The following CYP26B1 variants were observed in gnomAD, a reference collection of about 807,000 sequenced individuals.
CYP26B1 encodes the protein cytochrome P450 family 26 subfamily B member 1, also known as cytochrome P450 26B1.
In CYP26B1, 8 loss-of-function variants were observed where a neutral mutation model predicts 39.1. The ratio of observed to expected loss-of-function variants is 0.20; its 90% confidence interval spans 0.12 to 0.37. The LOEUF is 0.37. CYP26B1 is among the 10% of genes least tolerant of loss of function. The pLI, the probability that CYP26B1 is intolerant of heterozygous loss-of-function variation, is 1.00. For synonymous variants in CYP26B1, 321 were observed against 314.3 expected, an observed-to-expected ratio of 1.02 and a Z score of -0.23; for missense variants, 615 against 707.0, an observed-to-expected ratio of 0.87 and a Z score of 1.48.
chr2:72,146,857 G>A (rs1190391065), intron 1 of CYP26B1, among the ~76,000 whole-genome samples: 3 of 152,136 alleles, frequency 2.0e-5, no homozygotes, highest in South Asian at 2.1e-4. Context: ...GGTCCCTGAC[G>A]CGCCTCACCC....
rs1399150188 is a variant in CYP26B1, at chr2:72,147,304, G to T, written c.204+327C>A. On this transcript the variant is annotated intron_variant, in intron 1 of 5. Transcript: ENST00000001146. This position sits in a 1 kb window ranked among gnomAD's most constrained non-coding sequence, Gnocchi z 6.1. ...GGCTCAGGACCGGACCCTCCCCCGGGACCGCGCCTCGCTAGGCGCCCCCGG... is the reference window on the plus strand; with the variant it reads ...GGCTCAGGACCGGACCCTCCCCCGGTACCGCGCCTCGCTAGGCGCCCCCGG... Among the ~76,000 whole-genome samples the T allele has an allele frequency of 6.6e-6, 1 of 152,138 alleles. No individual in the cohort carries two copies. The highest frequency in any genetic ancestry group is 1.5e-5 in the Non-Finnish European group (1 of 68,010).
rs547728649 is a variant in CYP26B1 at position 72,143,877 on chromosome 2, T to C, written c.429+112A>G. 1.4e-5 allele frequency: 18 copies of C among 1,285,294 alleles called. No individual in the cohort carries two copies. The African/African-American group carries it at 2.1e-4, about 15-fold the overall frequency. The allele number at this position is 1,285,294 out of a possible 1,614,324, so 79.6% of individuals were successfully genotyped here. Reference sequence around the variant, plus strand: ...CGGGGAACTGCGGAGTCTTCAAGCATGGTGTGCAAAGGGGGGCACAGATTC... The same window carrying C: ...CGGGGAACTGCGGAGTCTTCAAGCACGGTGTGCAAAGGGGGGCACAGATTC... On this transcript the variant is annotated intron_variant, in intron 2 of 5. Transcript: ENST00000001146.
chr2:72,131,341 C>G lies in CYP26B1; in HGVS notation c.*886G>C, dbSNP rs1277322536. ...CCTGGGGGCTGGGTTTGACCAGAGA[C>G]CCCTTCCTCTTCACTCACAGAAGTC... On this transcript the variant is annotated 3_prime_UTR_variant, in exon 6 of 6. Coordinates refer to ENST00000001146, the MANE Select transcript of CYP26B1 (RefSeq NM_019885.4). The G allele has an allele frequency of 2.0e-5, 3 of 152,242 alleles. No individual in the cohort carries two copies. The highest frequency in any genetic ancestry group is 7.2e-5 in the African/African-American group (3 of 41,458). The allele number at this position is 152,242 out of a possible 1,614,324, so 9.4% of individuals were successfully genotyped here.
rs776297916 is a variant in CYP26B1, at chr2:72,134,810, A to G, written c.812T>C (p.Ile271Thr). The G allele has an allele frequency of 6.2e-6, 10 of 1,614,088 alleles. No individual in the cohort carries two copies. The highest frequency in any genetic ancestry group is 1.6e-4 in the Middle Eastern group (1 of 6,062). The change falls in exon 4 of 6, where the codon ATT (isoleucine) becomes ACT (threonine). Residue 271 changes from isoleucine to threonine, a missense_variant. By Grantham distance (89) the Ile-to-Thr change is moderately conservative (BLOSUM62 -1). Transcript: ENST00000001146. Reference protein sequence around the residue: ...KDYLDALDLLIESSKEHGKEM... With the variant: ...KDYLDALDLLTESSKEHGKEM... ...CTTCCCGTGCTCCTTGCTGCTCTCA[A>G]TGAGGAGGTCCAGGGCGTCCAAGTA...
rs1676514023 is a variant in CYP26B1, at chr2:72,129,945, C to G, written c.*2282G>C. The G allele has an allele frequency of 6.6e-6, 1 of 152,204 alleles. No individual in the cohort carries two copies. Among genetic ancestry groups the G allele is most frequent in the Non-Finnish European group, 1.5e-5 (1 of 68,054 alleles). 9.4% of individuals were successfully genotyped at this position (152,204 alleles called of 1,614,324 possible). ...CCAGAGCTTTCTTCAGCTCTCTTCT[C>G]ACTGCCTTTGAGACCCAGCGGGGCA... On this transcript the variant is annotated 3_prime_UTR_variant, in exon 6 of 6. Transcript: ENST00000001146.
chr2:72,147,225 CCCCAG>C lies in CYP26B1; in HGVS notation c.204+401_204+405del, dbSNP rs1677145964. 6.6e-6 allele frequency among the ~76,000 whole-genome samples: 1 copy of C among 152,186 alleles called. No individual in the cohort carries two copies. The highest frequency in any genetic ancestry group is 1.5e-5 in the Non-Finnish European group (1 of 68,034). Reference sequence around the variant, plus strand: ...TTTCGGCTCCCAGCGACACAGCCAACCCCAGAAAGCCGAGGGCGACTGGGGGCTTG... The same window carrying C: ...TTTCGGCTCCCAGCGACACAGCCAACAAAGCCGAGGGCGACTGGGGGCTTG... On this transcript the variant is annotated intron_variant, in intron 1 of 5. Transcript: ENST00000001146. This position sits in a 1 kb window ranked among gnomAD's most constrained non-coding sequence, Gnocchi z 6.1.
Position 72,135,177 on chromosome 2 carries a change from C to T in CYP26B1, c.672G>A (p.Leu224=), listed in dbSNP as rs773801134. 3.7e-6 allele frequency: 6 copies of T among 1,613,904 alleles called. No homozygotes were observed. In the African/African-American group the frequency reaches 8.0e-5, roughly 22 times the overall value. The change falls in exon 3 of 6, where the codon CTG becomes CTA. Residue 224 remains leucine, a synonymous_variant. Transcript: ENST00000001146. ...AGCCACTGAAGGGCAGGTCGACAGGCAGGGAGAAGACATTGTCCACAAACT... is the reference window on the plus strand; with the variant it reads ...AGCCACTGAAGGGCAGGTCGACAGGTAGGGAGAAGACATTGTCCACAAACT... ...YQQFVDNVFS[L]PVDLPFSGYR...
In CYP26B1 at chr2:72,144,163, C is replaced by T; in HGVS notation, c.255G>A (p.Lys85=). Residue 85 remains lysine (K), a synonymous_variant, in exon 2 of 6, where the codon AAG becomes AAA. Coordinates refer to ENST00000001146, the MANE Select transcript of CYP26B1 (RefSeq NM_019885.4). ...SRREKYGNVF[K]THLLGRPLIR... The stretch of plus-strand genomic sequence containing the variant: ...TCAGCGGCCGCCCCAACAAATGCGT[C>T]TTGAACACGTTGCCATACTTCTCCC... 1.2e-6 allele frequency: 2 copies of T among 1,609,754 alleles called. No individual in the cohort carries two copies. Among genetic ancestry groups the T allele is most frequent in the East Asian group, 2.2e-5 (1 of 44,684 alleles).
Position 72,147,675 on chromosome 2 carries a change from T to G in CYP26B1, c.160A>C (p.Met54Leu). The G allele has an allele frequency of 1.9e-6, 3 of 1,610,162 alleles. No homozygotes were observed. The highest frequency in any genetic ancestry group is 2.5e-6 in the Non-Finnish European group (3 of 1,178,778). ...GTCTCTCCGATGAGCGGGAAGCCCATGGATCCCTTGGGGATGGGCAGCTTG... is the reference window on the plus strand; with the variant it reads ...GTCTCTCCGATGAGCGGGAAGCCCAGGGATCCCTTGGGGATGGGCAGCTTG... ...SCKLPIPKGS[M>L]GFPLIGETGH... Residue 54 changes from methionine (M) to leucine (L), a missense_variant, in exon 1 of 6, where the codon ATG becomes CTG. Physicochemically the swap from Met to Leu is conservative, Grantham distance 15. Coordinates refer to ENST00000001146, the MANE Select transcript of CYP26B1 (RefSeq NM_019885.4). This position sits in a 1 kb window ranked among gnomAD's most constrained non-coding sequence, Gnocchi z 6.1.
intron 2 of CYP26B1, among the ~76,000 whole-genome samples, chr2:72,140,926 G>C (rs1676925857): frequency 6.6e-6 from 1 of 152,170 alleles, no homozygotes; most frequent in Non-Finnish European, 1.5e-5. Context: ...TTCCCTGAGG[G>C]TATCTCCAGG....
intron 2 of CYP26B1, 32 bp downstream of exon 2, chr2:72,143,956 GA>G (rs1030687113): frequency 6.2e-7 from 1 of 1,610,898 alleles, no homozygotes; most frequent in Non-Finnish European, 8.5e-7. Flanking sequence ...GTGGGGGAGG[GA>G]TTGCGCGGAA....
In CYP26B1 at chr2:72,133,197, A is replaced by T; in HGVS notation, c.972T>A (p.Asp324Glu). 1 of 1,612,220 alleles carries T rather than the reference A, an allele frequency of 6.2e-7. No individual in the cohort carries two copies. Among genetic ancestry groups the T allele is most frequent in the Non-Finnish European group, 8.5e-7 (1 of 1,179,410 alleles). The change falls in exon 5 of 6, where the codon GAT becomes GAA. Residue 324 changes from aspartate (D) to glutamate (E), a missense_variant. Coordinates refer to ENST00000001146, the MANE Select transcript of CYP26B1 (RefSeq NM_019885.4). Reference protein sequence around the residue: ...KHPTVLEKLRDELRAHGILHS... With the variant: ...KHPTVLEKLREELRAHGILHS... ...GCAGGATGCCATGAGCCCGCAGCTC[A>T]TCCCGCAGCTTCTCCAGCACAGTGG...
chr2:72,146,086 C>T (rs1572932116), intron 1 of CYP26B1, among the ~76,000 whole-genome samples: 1 of 152,164 alleles, frequency 6.6e-6, no homozygotes, highest in South Asian at 2.1e-4. Context: ...GTTTCCTCCT[C>T]CCTAACTTCT....
intron 1 of CYP26B1, among the ~76,000 whole-genome samples, chr2:72,145,986 A>T (rs1677112683): frequency 6.6e-6 from 1 of 152,176 alleles, no homozygotes; most frequent in Non-Finnish European, 1.5e-5. Flanking sequence ...GGCTCTCATT[A>T]ACCCCTTAGG....
At chr2:72,140,153 T>G (rs941574061) in intron 2 of CYP26B1, among the ~76,000 whole-genome samples, 2 of 152,118 alleles carry the variant, frequency 1.3e-5, no homozygotes, top group Non-Finnish European at 2.9e-5. Flanking sequence ...ACCACAGCCT[T>G]GGACCCCTCC....
intron 2 of CYP26B1, among the ~76,000 whole-genome samples, chr2:72,136,680 T>C (rs1676788835): frequency 6.6e-6 from 1 of 152,092 alleles, no homozygotes; most frequent in Non-Finnish European, 1.5e-5. Flanking sequence ...CCCAGATGGG[T>C]CATTCACACC....
Position 72,134,791 on chromosome 2 carries a change from G to A in CYP26B1, c.831C>T (p.His277=), listed in dbSNP as rs35846306. The change falls in exon 4 of 6, where the codon CAC becomes CAT. Residue 277 remains histidine (H), a synonymous_variant. Coordinates refer to ENST00000001146, the MANE Select transcript of CYP26B1 (RefSeq NM_019885.4). ...GCTCCTGCATGGTCATCTCCTTCCC[G>A]TGCTCCTTGCTGCTCTCAATGAGGA... The part of the protein sequence containing the change: ...LDLLIESSKE[H]GKEMTMQELK... The A allele has an allele frequency of 8.4e-4, 1,348 of 1,614,078 alleles. 17 individuals are homozygous for A. The African/African-American group carries it at 0.015, about 18-fold the overall frequency.
intron 2 of CYP26B1, among the ~76,000 whole-genome samples, chr2:72,141,263 G>C (rs1227693019): frequency 6.6e-6 from 1 of 152,186 alleles, no homozygotes; most frequent in Non-Finnish European, 1.5e-5. Flanking sequence ...TGAGGCCCTG[G>C]CTGCAAGGAC....
chr2:72,136,567 C>T (rs2104060268), intron 2 of CYP26B1, among the ~76,000 whole-genome samples: 1 of 152,246 alleles, frequency 6.6e-6, no homozygotes, highest in East Asian at 1.9e-4. Flanking sequence ...GGGCAGGAGG[C>T]CGGCGAGGGG....
Sources: allele counts gnomAD v4.1 joint callset (sites outside exome capture counted in the v4.1 genomes callset), GRCh38; gene constraint gnomAD v4.1.1; non-coding constraint Gnocchi (gnomAD v3.1); transcripts MANE v1.5; gene names NCBI Gene and HGNC (gene_info 2026-07-23, HGNC 2026-07-21).